The following SHOC2 variants were observed in gnomAD, a reference collection of about 807,000 sequenced individuals.
SHOC2 encodes SHOC2 leucine rich repeat scaffold protein, also known as leucine-rich repeat protein SHOC-2.
Under a neutral mutation model 50.2 loss-of-function variants are expected in SHOC2, and 4 were observed. The observed-to-expected ratio is 0.08, with a 90% confidence interval of 0.04 to 0.18. The LOEUF is 0.18. Ranked by LOEUF, SHOC2 falls within the 10% of genes least tolerant of loss-of-function variation. The pLI, the probability that SHOC2 is intolerant of heterozygous loss-of-function variation, is 1.00. For synonymous variants in SHOC2, 218 were observed against 244.5 expected (o/e 0.89, Z 1.01); for missense variants, 388 against 669.6 (o/e 0.58, Z 4.64).
At chr10:110,988,384 T>C (rs565546592) in intron 3 of SHOC2, among the ~76,000 whole-genome samples, 1 of 152,166 alleles carries the variant, frequency 6.6e-6, no homozygotes, top group South Asian at 2.1e-4. Flanking sequence ...TTAATAAATA[T>C]AGGGCTATTC....
chr10:110,942,324 T>C (rs1804035900), intron 1 of SHOC2, among the ~76,000 whole-genome samples: 1 of 152,184 alleles, frequency 6.6e-6, no homozygotes, highest in African/African-American at 2.4e-5. Context: ...ACTTTATCAC[T>C]GGCAACAAAT....
At chr10:110,968,117 T>C (rs1234355927) in intron 2 of SHOC2, among the ~76,000 whole-genome samples, 1 of 152,224 alleles carries the variant, frequency 6.6e-6, no homozygotes, top group Non-Finnish European at 1.5e-5. Context: ...CTCTGCATCC[T>C]CAGTAACCTT....
intron 1 of SHOC2, among the ~76,000 whole-genome samples, chr10:110,940,836 C>T (rs1262593669): frequency 2.0e-5 from 3 of 150,848 alleles, no homozygotes; most frequent in African/African-American, 7.3e-5. Context: ...AAATGATTCA[C>T]ACACTCTTTC....
intron 1 of SHOC2, among the ~76,000 whole-genome samples, chr10:110,930,759 TTGTG>T (rs1846880257): frequency 6.7e-6 from 1 of 148,738 alleles, no homozygotes; most frequent in African/African-American, 2.4e-5. Flanking sequence ...TTGGTAGTGT[TTGTG>T]TGGCATTTAA....
intron 2 of SHOC2, among the ~76,000 whole-genome samples, chr10:110,967,834 T>G (rs1028360289): frequency 6.6e-6 from 1 of 152,232 alleles, no homozygotes; most frequent in Non-Finnish European, 1.5e-5. Flanking sequence ...TAATATTTCA[T>G]TATATGAGTA....
intron 1 of SHOC2, among the ~76,000 whole-genome samples, chr10:110,949,997 G>A (rs1005142054): frequency 1.2e-4 from 18 of 152,096 alleles, no homozygotes; most frequent in African/African-American, 4.1e-4. Context: ...AAGAAGACAA[G>A]GATTTCTTCT....
chr10:110,936,786 G>A (rs756121038), intron 1 of SHOC2: 2 of 1,072,852 alleles, frequency 1.9e-6, no homozygotes, highest in South Asian at 2.6e-5. Flanking sequence ...GTCACTGCGT[G>A]GTACTTCCAG....
At chr10:110,947,538 G>A (rs1307020597) in intron 1 of SHOC2, among the ~76,000 whole-genome samples, 2 of 152,188 alleles carry the variant, frequency 1.3e-5, no homozygotes, top group African/African-American at 4.8e-5. Context: ...TAAAGCTTTA[G>A]CTATGATAAT....
chr10:110,927,948 A>G (rs1310547890), intron 1 of SHOC2, among the ~76,000 whole-genome samples: 2 of 152,206 alleles, frequency 1.3e-5, no homozygotes, highest in Non-Finnish European at 1.5e-5. Flanking sequence ...AAAAAGTTTG[A>G]TAACTCTGAT....
Position 110,923,697 on chromosome 10 carries a change from A to C in SHOC2, c.-235+4040A>C, listed in dbSNP as rs559685496. Among the ~76,000 whole-genome samples, 5 of 152,334 alleles carry C rather than the reference A, an allele frequency of 3.3e-5. No homozygotes were observed. The South Asian group carries it at 1.0e-3, about 32-fold the overall frequency. ...GATTCATTTATGAGAAAGAGTGAAC[A>C]TACTGCTTGTAGCTAAAACATTACA... is the stretch of plus-strand genomic sequence containing the variant. On this transcript the variant is annotated intron_variant, in intron 1 of 8. Coordinates refer to ENST00000369452, the MANE Select transcript of SHOC2 (RefSeq NM_007373.4).
intron 1 of SHOC2, among the ~76,000 whole-genome samples, chr10:110,941,551 C>T (rs1014896288): frequency 6.6e-6 from 1 of 150,814 alleles, no homozygotes; most frequent in Non-Finnish European, 1.5e-5. Context: ...AGGCCAGTCT[C>T]GAACTCCTGG....
chr10:110,921,533 T>C (rs763389432), intron 1 of SHOC2, among the ~76,000 whole-genome samples: 14 of 152,076 alleles, frequency 9.2e-5, no homozygotes, highest in Non-Finnish European at 2.1e-4. Flanking sequence ...GCTTGTTCAG[T>C]TTTATTTTTA....
chr10:110,973,926 T>C (rs1847830062), intron 2 of SHOC2, among the ~76,000 whole-genome samples: 1 of 151,820 alleles, frequency 6.6e-6, no homozygotes, highest in African/African-American at 2.4e-5. Flanking sequence ...TTGAAATTGG[T>C]AATTTGGGCC....
intron 1 of SHOC2, among the ~76,000 whole-genome samples, chr10:110,955,468 T>G (rs1445703907): frequency 2.0e-5 from 3 of 152,168 alleles, no homozygotes; most frequent in Non-Finnish European, 2.9e-5. Flanking sequence ...GCAAATGAGG[T>G]AGGTTTTTAG....
chr10:111,009,916 ATTG>A (rs752149694), intron 8 of SHOC2, 86 bp downstream of exon 8: 2 of 820,670 alleles, frequency 2.4e-6, no homozygotes, highest in Non-Finnish European at 4.2e-6. Context: ...TGACAAATCT[ATTG>A]TTTTTTAAAC....
intron 3 of SHOC2, among the ~76,000 whole-genome samples, chr10:110,996,676 T>TA (rs1479788199): frequency 1.3e-5 from 2 of 152,342 alleles, no homozygotes; most frequent in East Asian, 3.9e-4. Context: ...AATATGTACT[T>TA]ATTCCCTTCT....
In SHOC2 at chr10:110,948,527, C is replaced by A. The variant is rs111897507; in HGVS notation, c.-234-15598C>A. ...AAATTTGAGAAGATTGAAATTGTAT[C>A]AAGTATTTTTTGTAAGCATAAGAGT... is the stretch of plus-strand genomic sequence containing the variant. On this transcript the variant is annotated intron_variant, in intron 1 of 8. Transcript: ENST00000369452. Among the ~76,000 whole-genome samples, 287 of 152,142 alleles carry A rather than the reference C, an allele frequency of 1.9e-3. 1 individual carries two copies. Among genetic ancestry groups the A allele is most frequent in the African/African-American group, 5.9e-3 (243 of 41,524 alleles).
At chr10:110,989,881 T>C (rs1173041730) in intron 3 of SHOC2, among the ~76,000 whole-genome samples, 1 of 152,156 alleles carries the variant, frequency 6.6e-6, no homozygotes, top group African/African-American at 2.4e-5. Flanking sequence ...GTATATTCAG[T>C]ATAGTGTTCA....
At chr10:110,923,066 A>C (rs1368857404) in intron 1 of SHOC2, among the ~76,000 whole-genome samples, 1 of 152,088 alleles carries the variant, frequency 6.6e-6, no homozygotes, top group Non-Finnish European at 1.5e-5. Context: ...ATCATCTGCT[A>C]TCCTTGTAAT....
Sources: gnomAD v4.1 joint callset for allele counts (sites outside exome capture counted in the v4.1 genomes callset) on GRCh38, gnomAD v4.1.1 for gene constraint, MANE v1.5 for transcripts, NCBI Gene and HGNC (gene_info 2026-07-23, HGNC 2026-07-21) for gene names.